The following HVCN1 variants were observed in gnomAD, a reference collection of about 807,000 sequenced individuals.
HVCN1 encodes voltage-gated hydrogen channel 1.
A neutral mutation model predicts 29.2 loss-of-function variants in HVCN1; 14 were observed. The ratio of observed to expected loss-of-function variants is 0.48; its 90% confidence interval spans 0.32 to 0.75. The LOEUF is 0.75. HVCN1 is among the 30% of genes least tolerant of loss of function. HVCN1 has a pLI of 0.04. For synonymous variants in HVCN1, 131 were observed against 133.2 expected, an observed-to-expected ratio of 0.98 and a Z score of 0.11; for missense variants, 263 against 341.8, an observed-to-expected ratio of 0.77 and a Z score of 1.82.
At chr12:110,677,831 G>T (rs1187475059) in intron 3 of HVCN1, among the ~76,000 whole-genome samples, 1 of 152,044 alleles carries the variant, frequency 6.6e-6, no homozygotes, top group Non-Finnish European at 1.5e-5. Context: ...AGGCTGAGGG[G>T]CTTAACTGGC....
chr12:110,697,641 C>G (rs889951132), intron 2 of HVCN1, among the ~76,000 whole-genome samples: 14 of 150,150 alleles, frequency 9.3e-5, no homozygotes, highest in South Asian at 4.2e-4. Flanking sequence ...ACTCACAGCG[C>G]GAAGCATCTT....
At chr12:110,698,494 G>A (rs1363657561) in intron 2 of HVCN1, among the ~76,000 whole-genome samples, 1 of 152,202 alleles carries the variant, frequency 6.6e-6, no homozygotes, top group African/African-American at 2.4e-5. Context: ...CCAACTAGAG[G>A]CTTCCGCAGC....
chr12:110,673,357 G>A (rs1371372663), intron 3 of HVCN1, among the ~76,000 whole-genome samples: 2 of 152,164 alleles, frequency 1.3e-5, no homozygotes, highest in Admixed American at 1.3e-4. Flanking sequence ...AGCATTCAAT[G>A]CCTGCTGTTA....
At chr12:110,697,089 A>T (rs1455537727) in intron 2 of HVCN1, among the ~76,000 whole-genome samples, 3 of 151,980 alleles carry the variant, frequency 2.0e-5, no homozygotes, top group African/African-American at 7.3e-5. Context: ...GGTGCCCTCC[A>T]TCAAGCAGAG....
Position 110,661,461 on chromosome 12 carries a change from G to A in HVCN1, c.22-13C>T, listed in dbSNP as rs758223583. 33 of 1,611,904 alleles carry A rather than the reference G, an allele frequency of 2.0e-5. No individual in the cohort carries two copies. In the Admixed American group the frequency reaches 5.3e-4, roughly 26 times the overall value. ...TGCGGGTGACTGCCTAGAAGGCGGG[G>A]ACAGAGAGCAAGAGCTTCAGGCAGT... On this transcript the variant is annotated splice_polypyrimidine_tract_variant and intron_variant, in intron 3 of 7. Transcript: ENST00000242607. The surrounding 1 kb of genome is among the most constrained non-coding windows in gnomAD (Gnocchi z 6.2).
At chr12:110,691,153 C>T (rs1182171916), upstream of HVCN1, among the ~76,000 whole-genome samples, 1 of 151,998 alleles carries the variant, frequency 6.6e-6, no homozygotes. Context: ...AGCTCCGCCT[C>T]CCAGGTTCAT....
intron 1 of HVCN1, among the ~76,000 whole-genome samples, chr12:110,703,516 C>G (rs897055900): frequency 6.6e-6 from 1 of 152,038 alleles, no homozygotes; most frequent in Non-Finnish European, 1.5e-5. Context: ...GGGCGAGTGC[C>G]GTGGAGATGA....
At chr12:110,702,034 T>C (rs1013578009) in intron 2 of HVCN1, among the ~76,000 whole-genome samples, 9 of 146,790 alleles carry the variant, frequency 6.1e-5, no homozygotes, top group Admixed American at 1.4e-4. Flanking sequence ...CAACCTCGCC[T>C]CCCGGGTTCA....
chr12:110,700,196 G>A (rs1251702694), intron 2 of HVCN1, among the ~76,000 whole-genome samples: 1 of 152,244 alleles, frequency 6.6e-6, no homozygotes, highest in Non-Finnish European at 1.5e-5. Context: ...GTCTGCGATT[G>A]TTGAAGAAGT....
At chr12:110,695,471 G>A (rs962444094) in intron 2 of HVCN1, among the ~76,000 whole-genome samples, 5 of 152,076 alleles carry the variant, frequency 3.3e-5, no homozygotes, top group Non-Finnish European at 7.4e-5. Context: ...CCAGAGGATT[G>A]CTTGAGTCTG....
At chr12:110,684,282 C>T (rs2069099378) in intron 2 of HVCN1, among the ~76,000 whole-genome samples, 1 of 120,742 alleles carries the variant, frequency 8.3e-6, no homozygotes, top group African/African-American at 3.2e-5. Flanking sequence ...GAGGTGAAGG[C>T]CGCACACTGT....
intron 3 of HVCN1, among the ~76,000 whole-genome samples, chr12:110,677,988 G>A (rs547855718): frequency 1.3e-5 from 2 of 152,344 alleles, no homozygotes; most frequent in South Asian, 4.1e-4. Context: ...TACAGGAGTA[G>A]GAACTGTAAT....
rs1485787901 is a variant in HVCN1, at chr12:110,651,308, G to A, written c.552C>T (p.Leu184=). The A allele has an allele frequency of 3.7e-6, 6 of 1,613,974 alleles. No homozygotes were observed. Among genetic ancestry groups the A allele is most frequent in the East Asian group, 2.2e-5 (1 of 44,902 alleles). The part of the protein sequence containing the change: ...DAVVVVVSFI[L]DIVLLFQEHQ... ...GCTCCTGGAACAGGAGGACAATGTC[G>A]AGGATGAATGAGACCACCACCACGA... Residue 184 remains leucine (L), a synonymous_variant, in exon 6 of 8, where the codon CTC becomes CTT. Coordinates refer to ENST00000242607, the MANE Select transcript of HVCN1 (RefSeq NM_032369.4).
intron 2 of HVCN1, among the ~76,000 whole-genome samples, chr12:110,686,204 C>T (rs1377391124): frequency 1.3e-5 from 2 of 151,348 alleles, no homozygotes; most frequent in African/African-American, 4.9e-5. Flanking sequence ...GGGGTTTTGC[C>T]ACGTTAGCCA....
At chr12:110,674,704 G>T (rs899029176) in intron 3 of HVCN1, among the ~76,000 whole-genome samples, 4 of 152,134 alleles carry the variant, frequency 2.6e-5, no homozygotes, top group African/African-American at 9.7e-5. Flanking sequence ...ACCTCTTGCT[G>T]CCACCATGTA....
At chr12:110,671,671 C>T (rs1044937488) in intron 3 of HVCN1, among the ~76,000 whole-genome samples, 1 of 152,178 alleles carries the variant, frequency 6.6e-6, no homozygotes, top group African/African-American at 2.4e-5. Context: ...TCTTTCCGGG[C>T]CACACATTTG....
intron 2 of HVCN1, among the ~76,000 whole-genome samples, chr12:110,697,390 G>A (rs1469696189): frequency 6.6e-6 from 1 of 152,158 alleles, no homozygotes; most frequent in Non-Finnish European, 1.5e-5. Context: ...CCAAGGGTGT[G>A]TGGGATCCTG....
At chr12:110,701,195 T>C (rs2069560774) in intron 2 of HVCN1, among the ~76,000 whole-genome samples, 1 of 152,230 alleles carries the variant, frequency 6.6e-6, no homozygotes, top group Admixed American at 6.5e-5. Context: ...CCAGTTTGTT[T>C]CTGTCACTTT....
chr12:110,699,212 G>A (rs2069536711), intron 2 of HVCN1, among the ~76,000 whole-genome samples: 2 of 152,174 alleles, frequency 1.3e-5, no homozygotes, highest in African/African-American at 4.8e-5. Flanking sequence ...GGGCTTTGCT[G>A]GGTCTTGGCT....
Sources: allele counts gnomAD v4.1 joint callset (sites outside exome capture counted in the v4.1 genomes callset), GRCh38; gene constraint gnomAD v4.1.1; non-coding constraint Gnocchi (gnomAD v3.1); transcripts MANE v1.5; gene names NCBI Gene and HGNC (gene_info 2026-07-23, HGNC 2026-07-21).